Variants in ZC3H12B observed in about 807,000 individuals in gnomAD.
The protein encoded by ZC3H12B is probable ribonuclease ZC3H12B.
A neutral mutation model predicts 43.9 loss-of-function variants in ZC3H12B; 7 were observed. That is an observed-to-expected ratio of 0.16 (90% CI 0.09 to 0.30). The LOEUF is 0.30. Ranked by LOEUF, ZC3H12B falls within the 10% of genes least tolerant of loss-of-function variation. The pLI, the probability that ZC3H12B is intolerant of heterozygous loss-of-function variation, is 1.00. For missense variants in ZC3H12B, 475 were observed against 670.2 expected (o/e 0.71, Z 3.22); for synonymous variants, 222 against 241.7 (o/e 0.92, Z 0.76).
the ZC3H12B span, among the ~76,000 whole-genome samples, chrX:65,334,598 A>G: frequency 8.9e-6 from 1 of 112,129 alleles, no homozygotes; most frequent in Non-Finnish European, 1.9e-5. Flanking sequence ...ATATATAAAC[A>G]TCACACACAC....
chrX:65,230,254 A>G, the ZC3H12B span, among the ~76,000 whole-genome samples: 1 of 110,874 alleles, frequency 9.0e-6, no homozygotes, highest in South Asian at 3.9e-4. Context: ...ATGAAATTGG[A>G]AATCATCATT....
chrX:65,220,471 C>T, the ZC3H12B span, among the ~76,000 whole-genome samples: 2 of 111,835 alleles, frequency 1.8e-5, no homozygotes, highest in Non-Finnish European at 3.8e-5. Flanking sequence ...TCACCTGACA[C>T]ATAAGGACTC....
chrX:65,374,362 G>A (rs1470444444), intron 2 of ZC3H12B, among the ~76,000 whole-genome samples: 1 of 98,998 alleles, frequency 1.0e-5, no homozygotes, highest in African/African-American at 3.7e-5. Flanking sequence ...CATACCGCAA[G>A]TCTCAGCATC....
At chrX:65,462,376 G>C (rs1427384909) in intron 3 of ZC3H12B, among the ~76,000 whole-genome samples, 1 of 110,840 alleles carries the variant, frequency 9.0e-6, no homozygotes, top group Non-Finnish European at 1.9e-5. Context: ...GCCGGGCGTA[G>C]CGACAGGCGC....
At chrX:65,442,929 C>G (rs1230935588) in intron 3 of ZC3H12B, among the ~76,000 whole-genome samples, 2 of 110,955 alleles carry the variant, frequency 1.8e-5, no homozygotes, top group African/African-American at 3.3e-5. Flanking sequence ...GCTCGAGGCG[C>G]TGCTTGAACA....
the ZC3H12B span, among the ~76,000 whole-genome samples, chrX:65,073,824 A>G: frequency 1.8e-5 from 2 of 111,659 alleles, no homozygotes; most frequent in Non-Finnish European, 3.8e-5. Context: ...GAGTTGTTGG[A>G]GGCCAAGAAC....
At chrX:65,224,229 T>C in the ZC3H12B span, among the ~76,000 whole-genome samples, 3 of 112,478 alleles carry the variant, frequency 2.7e-5, no homozygotes, top group Non-Finnish European at 5.6e-5. Flanking sequence ...TATGTTCTCA[T>C]AAGGGAGAGC....
At chrX:65,479,349 T>C (rs1272758647) in intron 3 of ZC3H12B, among the ~76,000 whole-genome samples, 1 of 108,361 alleles carries the variant, frequency 9.2e-6, no homozygotes, top group Non-Finnish European at 1.9e-5. Flanking sequence ...TTTTGTTGTT[T>C]AAATAAACAC....
chrX:65,356,782 G>A, the ZC3H12B span: 1 of 180,507 alleles, frequency 5.5e-6, no homozygotes, highest in African/African-American at 3.1e-5. Flanking sequence ...AATCCTCAAA[G>A]GCTGGGAAGA....
the ZC3H12B span, among the ~76,000 whole-genome samples, chrX:65,181,955 A>G: frequency 1.6e-4 from 18 of 111,785 alleles, no homozygotes; most frequent in Non-Finnish European, 1.3e-4. Flanking sequence ...ATGTGCACGT[A>G]TGTCTATTGC....
intron 1 of ZC3H12B, among the ~76,000 whole-genome samples, chrX:65,368,590 T>C (rs1188494262): frequency 8.9e-6 from 1 of 112,042 alleles, no homozygotes; most frequent in Admixed American, 9.5e-5. Flanking sequence ...AAATAAGTTT[T>C]CTTAGGCTTG....
the ZC3H12B span, among the ~76,000 whole-genome samples, chrX:65,160,452 C>G: frequency 8.9e-6 from 1 of 111,739 alleles, no homozygotes; most frequent in Non-Finnish European, 1.9e-5. Context: ...TGTTATTGGT[C>G]TATTCAGAGA....
At chrX:65,144,787 G>T in the ZC3H12B span, among the ~76,000 whole-genome samples, 2 of 111,371 alleles carry the variant, frequency 1.8e-5, no homozygotes, top group Non-Finnish European at 3.8e-5. Flanking sequence ...GGTTTTGGAG[G>T]TTCCTTTTGG....
the ZC3H12B span, among the ~76,000 whole-genome samples, chrX:65,209,815 G>C: frequency 1.0e-5 from 1 of 100,069 alleles, no homozygotes; most frequent in Non-Finnish European, 2.0e-5. Context: ...CAAGCAATGG[G>C]GAAAGGATTC....
At chrX:65,378,919 C>A (rs2066390651) in intron 2 of ZC3H12B, among the ~76,000 whole-genome samples, 1 of 112,556 alleles carries the variant, frequency 8.9e-6, no homozygotes, top group East Asian at 2.8e-4. Context: ...AAATGGCGCA[C>A]CAGGAGATTA....
chrX:65,438,804 C>A (rs2067261170), intron 3 of ZC3H12B, among the ~76,000 whole-genome samples: 2 of 113,186 alleles, frequency 1.8e-5, no homozygotes, highest in Admixed American at 1.9e-4. Context: ...TGTTCCTTGC[C>A]CTCATCCCCA....
At chrX:65,433,108 T>G (rs1269039732) in intron 3 of ZC3H12B, among the ~76,000 whole-genome samples, 1 of 112,862 alleles carries the variant, frequency 8.9e-6, no homozygotes, top group Non-Finnish European at 1.9e-5. Context: ...GCATACCAGG[T>G]ACCAGGATAT....
the ZC3H12B span, among the ~76,000 whole-genome samples, chrX:65,183,043 G>T: frequency 2.7e-5 from 3 of 111,704 alleles, no homozygotes; most frequent in Non-Finnish European, 5.6e-5. Context: ...AAACAGAATT[G>T]CCATTTGCCC....
intron 3 of ZC3H12B, among the ~76,000 whole-genome samples, chrX:65,441,774 A>G (rs2067304263): frequency 9.0e-6 from 1 of 111,293 alleles, no homozygotes; most frequent in Non-Finnish European, 1.9e-5. Context: ...GAAGGCTCAC[A>G]GCTTTTGTGC....
Sources: allele counts gnomAD v4.1 joint callset (sites outside exome capture counted in the v4.1 genomes callset), GRCh38; gene constraint gnomAD v4.1.1; transcripts MANE v1.5; gene names NCBI Gene and HGNC (gene_info 2026-07-23, HGNC 2026-07-21).